Variants in LYPLAL1 observed in about 807,000 individuals in gnomAD.
The protein encoded by LYPLAL1 is lysophospholipase like 1, also known as lysophospholipase-like protein 1.
Under a neutral mutation model 19.7 loss-of-function variants are expected in LYPLAL1, and 23 were observed. The ratio of observed to expected loss-of-function variants is 1.17; its 90% CI spans 0.84 to 1.65. The LOEUF (loss-of-function observed/expected upper bound fraction) is 1.65, where lower values mean the gene tolerates loss of function less well. Among genes scored for constraint, LYPLAL1 ranks in the 40% most tolerant of loss-of-function variants. The pLI is 0.00. For missense variants in LYPLAL1, 355 were observed against 279.4 expected (o/e 1.27, Z -1.93); for synonymous variants, 119 against 96.3 (o/e 1.24, Z -1.38).
the LYPLAL1 span, among the ~76,000 whole-genome samples, chr1:219,221,501 C>G: frequency 6.6e-6 from 1 of 152,164 alleles, no homozygotes; most frequent in East Asian, 1.9e-4. Flanking sequence ...CTTGCCAAAA[C>G]TGAAATATCA....
the LYPLAL1 span, among the ~76,000 whole-genome samples, chr1:219,228,853 A>G: frequency 1.3e-5 from 2 of 151,656 alleles, no homozygotes; most frequent in Non-Finnish European, 2.9e-5. Flanking sequence ...CTAATTTTGT[A>G]TTTTTATTAG....
At chr1:219,294,248 A>G in the LYPLAL1 span, among the ~76,000 whole-genome samples, 1 of 152,188 alleles carries the variant, frequency 6.6e-6, no homozygotes. Flanking sequence ...AAAGCTTTCA[A>G]ATCTGTATGA....
chr1:219,258,409 T>C, the LYPLAL1 span, among the ~76,000 whole-genome samples: 1 of 152,212 alleles, frequency 6.6e-6, no homozygotes, highest in Non-Finnish European at 1.5e-5. Context: ...TCACAATTTA[T>C]GTTCTTCTGC....
chr1:219,241,099 TC>T, the LYPLAL1 span, among the ~76,000 whole-genome samples: 14,129 of 54,842 alleles, frequency 0.26, 931 homozygotes, highest in Middle Eastern at 0.3. Flanking sequence ...ATATATATAA[TC>T]TCTCTCTCTC....
the LYPLAL1 span, among the ~76,000 whole-genome samples, chr1:219,225,140 G>A: frequency 9.2e-4 from 140 of 152,088 alleles, 1 homozygote; most frequent in African/African-American, 2.6e-3. Flanking sequence ...TATACCTCTG[G>A]CCCTAAGCAC....
chr1:219,176,416 T>G (rs992393438), intron 1 of LYPLAL1, among the ~76,000 whole-genome samples: 1 of 152,220 alleles, frequency 6.6e-6, no homozygotes, highest in Non-Finnish European at 1.5e-5. Flanking sequence ...GTGGTAAGGC[T>G]CAGCAAGTTG....
At chr1:219,332,832 C>T in the LYPLAL1 span, among the ~76,000 whole-genome samples, 3 of 145,866 alleles carry the variant, frequency 2.1e-5, no homozygotes, top group Admixed American at 1.4e-4. Context: ...GCCCCCCCCC[C>T]CCAAATTAAA....
the LYPLAL1 span, among the ~76,000 whole-genome samples, chr1:219,318,605 C>T: frequency 6.6e-6 from 1 of 151,992 alleles, no homozygotes; most frequent in Non-Finnish European, 1.5e-5. Context: ...ATATCCATGC[C>T]AAATTTTAGG....
At chr1:219,352,917 A>G in the LYPLAL1 span, among the ~76,000 whole-genome samples, 1 of 152,216 alleles carries the variant, frequency 6.6e-6, no homozygotes, top group Non-Finnish European at 1.5e-5. Context: ...CTTTTGCTCA[A>G]AAACATTCAA....
chr1:219,242,834 G>A, the LYPLAL1 span, among the ~76,000 whole-genome samples: 3 of 152,130 alleles, frequency 2.0e-5, no homozygotes, highest in Admixed American at 6.5e-5. Flanking sequence ...TAAGAATTTG[G>A]CATAACAATT....
At chr1:219,273,760 ATTTATTT>A in the LYPLAL1 span, among the ~76,000 whole-genome samples, 3 of 151,924 alleles carry the variant, frequency 2.0e-5, no homozygotes, top group Non-Finnish European at 2.9e-5. Context: ...GTATGTGTTT[ATTTATTT>A]TTTATTTTTT....
the LYPLAL1 span, among the ~76,000 whole-genome samples, chr1:219,404,871 ACT>A: frequency 6.6e-6 from 1 of 152,242 alleles, no homozygotes; most frequent in African/African-American, 2.4e-5. Context: ...CCTCAACTCC[ACT>A]GAGTCATCTT....
At chr1:219,350,361 G>C in the LYPLAL1 span, among the ~76,000 whole-genome samples, 2 of 152,118 alleles carry the variant, frequency 1.3e-5, no homozygotes, top group Admixed American at 1.3e-4. Flanking sequence ...CACAATGCTG[G>C]GTTGTAGGAC....
At chr1:219,314,309 G>C in the LYPLAL1 span, among the ~76,000 whole-genome samples, 2 of 152,168 alleles carry the variant, frequency 1.3e-5, no homozygotes, top group East Asian at 1.9e-4. Flanking sequence ...CTTTATTGTA[G>C]AACAATTTAT....
the LYPLAL1 span, among the ~76,000 whole-genome samples, chr1:219,317,387 G>A: frequency 6.6e-6 from 1 of 152,072 alleles, no homozygotes; most frequent in African/African-American, 2.4e-5. Context: ...TAAATGTCCT[G>A]TTGAATATTT....
At chr1:219,199,871 T>A (rs1657947794) in intron 3 of LYPLAL1, 1 of 220,428 alleles carries the variant, frequency 4.5e-6, no homozygotes, top group African/African-American at 2.3e-5. Context: ...GAAATTAAAT[T>A]TAAGGTCCAT....
At chr1:219,222,602 C>A in the LYPLAL1 span, 2 of 152,254 alleles carry the variant, frequency 1.3e-5, no homozygotes, top group East Asian at 3.9e-4. Flanking sequence ...TGCACACCAC[C>A]CCCCTCATCT....
At chr1:219,358,161 ATCATT>A in the LYPLAL1 span, among the ~76,000 whole-genome samples, 1 of 152,218 alleles carries the variant, frequency 6.6e-6, no homozygotes, top group Non-Finnish European at 1.5e-5. Flanking sequence ...TTCTAAAAAA[ATCATT>A]TAGAAGGTTC....
the LYPLAL1 span, among the ~76,000 whole-genome samples, chr1:219,444,265 G>A: frequency 5.3e-5 from 8 of 152,258 alleles, no homozygotes; most frequent in South Asian, 1.7e-3. Flanking sequence ...TTTCTGTTTT[G>A]TGTAGCCAGG....
Sources: gnomAD v4.1 joint callset for allele counts (sites outside exome capture counted in the v4.1 genomes callset) on GRCh38, gnomAD v4.1.1 for gene constraint, MANE v1.5 for transcripts, NCBI Gene and HGNC (gene_info 2026-07-23, HGNC 2026-07-21) for gene names.